PPARGC1A: variants seen among roughly 807,000 people sequenced by gnomAD.
The protein encoded by PPARGC1A is peroxisome proliferator-activated receptor gamma coactivator 1-alpha.
Under a neutral mutation model 88.7 loss-of-function variants are expected in PPARGC1A, and 25 were observed. The ratio of observed to expected loss-of-function variants is 0.28; its 90% CI spans 0.21 to 0.39. PPARGC1A has a LOEUF of 0.39. Ranked by LOEUF, PPARGC1A falls within the 10% of genes least tolerant of loss-of-function variation. PPARGC1A has a pLI of 1.00. For missense variants in PPARGC1A, 880 were observed against 968.7 expected, an observed-to-expected ratio of 0.91 and a Z score of 1.22; for synonymous variants, 363 against 355.6, an observed-to-expected ratio of 1.02 and a Z score of -0.24.
chr4:23,940,238 G>C, the PPARGC1A span, among the ~76,000 whole-genome samples: 1 of 152,072 alleles, frequency 6.6e-6, no homozygotes, highest in African/African-American at 2.4e-5. Context: ...TACAACCCTG[G>C]TCTTGAGAAA....
At chr4:24,458,558 C>T in the PPARGC1A span, among the ~76,000 whole-genome samples, 1 of 152,190 alleles carries the variant, frequency 6.6e-6, no homozygotes, top group Non-Finnish European at 1.5e-5. Flanking sequence ...TTATGATATT[C>T]TCCATCTGGT....
chr4:23,980,154 T>C, the PPARGC1A span, among the ~76,000 whole-genome samples: 14 of 121,584 alleles, frequency 1.2e-4, no homozygotes, highest in Admixed American at 5.1e-4. Context: ...CAGCATCAAC[T>C]CCTGTGGCTA....
chr4:24,074,976 A>G, the PPARGC1A span, among the ~76,000 whole-genome samples: 7 of 152,094 alleles, frequency 4.6e-5, no homozygotes. Context: ...CACTCTGTAA[A>G]CACCTAGGTG....
chr4:24,077,621 AGG>A, the PPARGC1A span, among the ~76,000 whole-genome samples: 1 of 115,488 alleles, frequency 8.7e-6, no homozygotes, highest in African/African-American at 3.4e-5. Context: ...TGATGTGTCT[AGG>A]GGTGTGTGTG....
the PPARGC1A span, among the ~76,000 whole-genome samples, chr4:23,926,537 C>T: frequency 6.6e-6 from 1 of 152,186 alleles, no homozygotes; most frequent in Non-Finnish European, 1.5e-5. Flanking sequence ...AGAGAAAGCG[C>T]TTGAACATGG....
chr4:23,960,540 C>G, the PPARGC1A span, among the ~76,000 whole-genome samples: 1 of 114,460 alleles, frequency 8.7e-6, no homozygotes, highest in South Asian at 3.0e-4. Context: ...CATGAGCCTA[C>G]TTGGGCAAGA....
chr4:23,884,886 G>A lies in PPARGC1A; in HGVS notation c.100C>T (p.Pro34Ser), dbSNP rs1716597875. The A allele has an allele frequency of 1.2e-6, 2 of 1,613,512 alleles. No homozygotes were observed. The highest frequency in any genetic ancestry group is 1.3e-5 in the African/African-American group (1 of 74,864). The part of the protein sequence containing the change: ...GEDQPLCPDL[P>S]ELDLSELDVN... ...TCTAGTTCAGAAAGATCAAGTTCAG[G>A]AAGATCTGGGCAAAGAGGCTGGTCT... The change falls in exon 2 of 13, where the codon CCT becomes TCT. Residue 34 changes from proline to serine, a missense_variant. Physicochemically the swap from Pro to Ser is moderately conservative, Grantham distance 74. Coordinates refer to ENST00000264867, the MANE Select transcript of PPARGC1A (RefSeq NM_013261.5).
At chr4:24,172,626 T>C in the PPARGC1A span, among the ~76,000 whole-genome samples, 1 of 152,212 alleles carries the variant, frequency 6.6e-6, no homozygotes, top group Non-Finnish European at 1.5e-5. Context: ...GGGCTGAATG[T>C]GAAAGTGAAT....
the PPARGC1A span, among the ~76,000 whole-genome samples, chr4:24,325,944 T>C: frequency 3.3e-5 from 5 of 152,144 alleles, no homozygotes; most frequent in South Asian, 2.1e-4. Flanking sequence ...TTCAGTTATC[T>C]CCACCTGCCC....
the PPARGC1A span, among the ~76,000 whole-genome samples, chr4:24,223,283 T>A: frequency 2.4e-4 from 35 of 146,522 alleles, no homozygotes; most frequent in Non-Finnish European, 4.8e-4. Context: ...AGAGTCTTGC[T>A]CTGTGGCCCA....
the PPARGC1A span, among the ~76,000 whole-genome samples, chr4:24,152,776 A>G: frequency 6.6e-6 from 1 of 152,242 alleles, no homozygotes; most frequent in African/African-American, 2.4e-5. Flanking sequence ...CTCTGTATCA[A>G]GCACTCCCAA....
At chr4:24,313,383 TTCCAGCC>T in the PPARGC1A span, among the ~76,000 whole-genome samples, 3 of 152,332 alleles carry the variant, frequency 2.0e-5, no homozygotes, top group East Asian at 5.8e-4. Context: ...ATTTGCCATG[TTCCAGCC>T]AAAGCAGGAG....
the PPARGC1A span, among the ~76,000 whole-genome samples, chr4:24,284,657 C>A: frequency 2.6e-5 from 4 of 152,206 alleles, no homozygotes; most frequent in Non-Finnish European, 5.9e-5. Flanking sequence ...ACCCCAGACC[C>A]TCTACAAAGA....
chr4:24,183,762 T>C, the PPARGC1A span, among the ~76,000 whole-genome samples: 4 of 152,184 alleles, frequency 2.6e-5, no homozygotes, highest in Admixed American at 6.5e-5. Context: ...AGGATCTACA[T>C]GTGATAAAGG....
chr4:24,422,391 T>C, the PPARGC1A span, among the ~76,000 whole-genome samples: 2 of 152,240 alleles, frequency 1.3e-5, no homozygotes, highest in South Asian at 2.1e-4. Context: ...AGCAGATATA[T>C]GGCACAATAC....
the PPARGC1A span, among the ~76,000 whole-genome samples, chr4:24,094,964 C>CT: frequency 7.2e-5 from 11 of 152,164 alleles, no homozygotes; most frequent in Non-Finnish European, 1.6e-4. Flanking sequence ...TCTTGTGCTT[C>CT]TTAACACCAC....
intron 2 of PPARGC1A, among the ~76,000 whole-genome samples, chr4:23,836,028 C>T (rs572433708): frequency 6.6e-6 from 1 of 152,350 alleles, no homozygotes; most frequent in East Asian, 1.9e-4. Context: ...TATAGAAACA[C>T]ATTAGTCACT....
the PPARGC1A span, among the ~76,000 whole-genome samples, chr4:24,446,507 A>C: frequency 6.6e-6 from 1 of 152,134 alleles, no homozygotes; most frequent in East Asian, 1.9e-4. Context: ...AGACTATTTT[A>C]GCGAAGTAAC....
the PPARGC1A span, among the ~76,000 whole-genome samples, chr4:24,382,403 T>C: frequency 6.6e-6 from 1 of 152,194 alleles, no homozygotes; most frequent in Non-Finnish European, 1.5e-5. Flanking sequence ...AATTTTCCCT[T>C]AATGTTCTTA....
Sources: allele counts gnomAD v4.1 joint callset (sites outside exome capture counted in the v4.1 genomes callset), GRCh38; gene constraint gnomAD v4.1.1; transcripts MANE v1.5; gene names NCBI Gene and HGNC (gene_info 2026-07-23, HGNC 2026-07-21).